EPS8L2: variants seen among roughly 807,000 people sequenced by gnomAD.
EPS8L2 encodes the protein epidermal growth factor receptor kinase substrate 8-like protein 2.
In EPS8L2, 81 loss-of-function variants were observed where a neutral mutation model predicts 99.4. That is an observed-to-expected ratio of 0.82 (90% CI 0.68 to 0.98). The LOEUF is 0.98. Ranked by LOEUF, EPS8L2 falls within the 50% of genes least tolerant of loss-of-function variation. The pLI is 0.00. For synonymous variants in EPS8L2, 509 were observed against 407.3 expected (o/e 1.25, Z -3.01); for missense variants, 1,155 against 968.8 (o/e 1.19, Z -2.55).
intron 4 of EPS8L2, among the ~76,000 whole-genome samples, chr11:717,219 C>A (rs1180162573): frequency 6.6e-6 from 1 of 152,190 alleles, no homozygotes; most frequent in Non-Finnish European, 1.5e-5. Context: ...TTGTGATCCA[C>A]CTGCCTTGGC....
intron 11 of EPS8L2, 25 bp from the exon 12 acceptor site, chr11:722,066 C>G: frequency 6.2e-7 from 1 of 1,612,336 alleles, no homozygotes; most frequent in Non-Finnish European, 8.5e-7. Flanking sequence ...CGCCCCGGCA[C>G]CTGCTCACTT....
chr11:707,620 C>T (rs1861761668), intron 1 of EPS8L2, among the ~76,000 whole-genome samples: 1 of 152,062 alleles, frequency 6.6e-6, no homozygotes, highest in Admixed American at 6.5e-5. Flanking sequence ...GGGCGGGGCT[C>T]CCACAGGGCA....
At chr11:711,967 AGCGAGACTC>A (rs1861902518) in intron 4 of EPS8L2, among the ~76,000 whole-genome samples, 1 of 146,686 alleles carries the variant, frequency 6.8e-6, no homozygotes, top group Non-Finnish European at 1.5e-5. Flanking sequence ...TGGGCAACAG[AGCGAGACTC>A]CATCTCAAAA....
intron 4 of EPS8L2, among the ~76,000 whole-genome samples, chr11:714,642 AATTTTATTTTATATTT>A (rs1311448925): frequency 2.1e-5 from 3 of 144,832 alleles, no homozygotes; most frequent in Non-Finnish European, 4.5e-5. Context: ...TTAATTTTTA[AATTTTATTTTATATTT>A]ATTTTATTTT....
In EPS8L2 at chr11:720,718, T is replaced by A; in HGVS notation, c.449T>A (p.Val150Asp). Residue 150 changes from valine to aspartate, a missense_variant, in exon 6 of 21, where the codon GTC becomes GAC. Val to Asp is a radical substitution (Grantham distance 152). Transcript: ENST00000318562. ...GACTCGGAGCAGAGCAAGCCGGATGTCCACTTCTTCCACTGCGATGAGGTG... is the reference window on the plus strand; with the variant it reads ...GACTCGGAGCAGAGCAAGCCGGATGACCACTTCTTCCACTGCGATGAGGTG... Reference protein sequence around the residue: ...CQDSEQSKPDVHFFHCDEVEA... With the variant: ...CQDSEQSKPDDHFFHCDEVEA... 1.3e-6 allele frequency: 2 copies of A among 1,553,406 alleles called. No homozygotes were observed. Among genetic ancestry groups the A allele is most frequent in the African/African-American group, 1.4e-5 (1 of 73,320 alleles).
Position 709,456 on chromosome 11 carries a change from G to GGCCGA in EPS8L2, c.44+5_44+6insGCCGA. 3.8e-6 allele frequency: 6 copies of GGCCGA among 1,588,490 alleles called. No homozygotes were observed. The highest frequency in any genetic ancestry group is 5.2e-6 in the Non-Finnish European group (6 of 1,164,860). ...CTGCTGCCCGGGTGCCACCAAGTGA[G>GGCCGA]CCCTCCCACCCATCCCGAATACCCC... On this transcript the variant is annotated splice_donor_region_variant and intron_variant, in intron 2 of 20. Coordinates refer to ENST00000318562, the MANE Select transcript of EPS8L2 (RefSeq NM_022772.4).
chr11:717,236 A>C (rs1484231778), intron 4 of EPS8L2, among the ~76,000 whole-genome samples: 3 of 152,114 alleles, frequency 2.0e-5, no homozygotes, highest in Non-Finnish European at 4.4e-5. Flanking sequence ...TGGCCTCCCA[A>C]AGTGCTGGGA....
Position 726,655 on chromosome 11 carries a change from G to A in EPS8L2, c.1971G>A (p.Gln657=). ...ACCTGGGCATCCTGACCGGGCCGCA[G>A]CTCTTCTCCCTCAACAAGGAGGAGC... The part of the protein sequence containing the change: ...VENLGILTGP[Q]LFSLNKEELK... The change falls in exon 20 of 21, where the codon CAG becomes CAA. Residue 657 remains glutamine, a synonymous_variant. Coordinates refer to ENST00000318562, the MANE Select transcript of EPS8L2 (RefSeq NM_022772.4). 6.4e-7 allele frequency: 1 copy of A among 1,561,344 alleles called. No homozygotes were observed. Among genetic ancestry groups the A allele is most frequent in the Non-Finnish European group, 8.7e-7 (1 of 1,153,430 alleles).
At position 724,784 on chromosome 11, in the gene EPS8L2, C is replaced by T. The variant is rs1366602697; in HGVS notation, c.1515C>T (p.Ala505=). The part of the protein sequence containing the change: ...KYVKILYDFT[A]RNANELSVLK... ...TCAAGATCCTGTATGACTTCACAGC[C>T]CGAAATGCCAACGAGCTATCGGTGC... The change falls in exon 16 of 21, where the codon GCC becomes GCT. Residue 505 remains alanine, a synonymous_variant. Coordinates refer to ENST00000318562, the MANE Select transcript of EPS8L2 (RefSeq NM_022772.4). This position sits in a 1 kb window ranked among gnomAD's most constrained non-coding sequence, Gnocchi z 5.5. 1.2e-6 allele frequency: 2 copies of T among 1,613,630 alleles called. No homozygotes were observed. Among genetic ancestry groups the T allele is most frequent in the East Asian group, 2.2e-5 (1 of 44,876 alleles).
At position 710,493 on chromosome 11, in the gene EPS8L2, C is replaced by T. The variant is rs1861857274; in HGVS notation, c.165+7C>T. 2 of 1,613,158 alleles carry T rather than the reference C, an allele frequency of 1.2e-6. No homozygotes were observed. Among genetic ancestry groups the T allele is most frequent in the Non-Finnish European group, 1.7e-6 (2 of 1,179,440 alleles). ...CTCGCAGTACCACGTCCAGGTAAGG[C>T]CCCGCCCCCAGGTAGGCTCCGCCCC... On this transcript the variant is annotated splice_region_variant and intron_variant, in intron 4 of 20. Coordinates refer to ENST00000318562, the MANE Select transcript of EPS8L2 (RefSeq NM_022772.4).
At chr11:722,244 G>GGGCAGC (rs1202422939) in intron 12 of EPS8L2, 79 bp downstream of exon 12, 1 of 1,556,906 alleles carries the variant, frequency 6.4e-7, no homozygotes, top group East Asian at 2.3e-5. Context: ...GTCGGGGTTG[G>GGGCAGC]GGCAGCAGGT....
intron 10 of EPS8L2, 36 bp downstream of exon 10, chr11:721,727 G>A: frequency 7.8e-7 from 1 of 1,282,332 alleles, no homozygotes; most frequent in Non-Finnish European, 1.1e-6. Context: ...CAGGTGCAGG[G>A]GACGGGGCCA....
chr11:708,790 AC>A (rs1191420440), intron 1 of EPS8L2: 2 of 155,586 alleles, frequency 1.3e-5, no homozygotes, highest in Non-Finnish European at 2.8e-5. Flanking sequence ...TGGCAAGTCC[AC>A]ATGTGGGTGC....
Position 726,156 on chromosome 11 carries a change from CG to C in EPS8L2, c.1743del (p.Asn582ThrfsTer39). On this transcript the variant is annotated frameshift_variant, in exon 18 of 21. Coordinates refer to ENST00000318562, the MANE Select transcript of EPS8L2 (RefSeq NM_022772.4). LOFTEE classifies it high-confidence loss of function. Reference protein sequence around the residue: ...SPTHKLPPSFPGNKDELMQHM... With the variant: ...SPTHKLPPSFXGNKDELMQHM... ...ACCCACAAGCTACCCCCAAGCTTCC[CG>C]GGGAACAAAGACGGTGAGAGCTGCT... 1 of 1,608,298 alleles carries C rather than the reference CG, an allele frequency of 6.2e-7. No individual in the cohort carries two copies. The highest frequency in any genetic ancestry group is 1.1e-5 in the South Asian group (1 of 90,716).
At chr11:715,028 G>A (rs1861982663) in intron 4 of EPS8L2, among the ~76,000 whole-genome samples, 2 of 152,114 alleles carry the variant, frequency 1.3e-5, no homozygotes, top group African/African-American at 4.8e-5. Flanking sequence ...AGATCACAAG[G>A]TCAGGAGATC....
At chr11:715,241 CAA>C (rs111725827) in intron 4 of EPS8L2, among the ~76,000 whole-genome samples, 8 of 132,548 alleles carry the variant, frequency 6.0e-5, no homozygotes, top group Admixed American at 7.7e-5. Context: ...GACTCTGTCT[CAA>C]AAAAAAAAAA....
intron 7 of EPS8L2, 28 bp from the exon 8 acceptor site, chr11:721,036 G>A (rs1862158880): frequency 1.4e-6 from 2 of 1,440,194 alleles, no homozygotes; most frequent in Non-Finnish European, 1.8e-6. Context: ...TTCCCGGCGG[G>A]GCTGAGCAGG....
At chr11:718,967 C>CTT (rs745422884) in intron 4 of EPS8L2, among the ~76,000 whole-genome samples, 13 of 125,256 alleles carry the variant, frequency 1.0e-4, no homozygotes, top group South Asian at 5.2e-4. Flanking sequence ...TGCGCCCGAT[C>CTT]TTTTTTTTTT....
intron 4 of EPS8L2, among the ~76,000 whole-genome samples, chr11:719,510 G>A (rs1017324606): frequency 6.6e-6 from 1 of 152,256 alleles, no homozygotes; most frequent in Non-Finnish European, 1.5e-5. Flanking sequence ...GACGCATCCC[G>A]CACACACTTG....
Sources: allele counts gnomAD v4.1 joint callset (sites outside exome capture counted in the v4.1 genomes callset), GRCh38; gene constraint gnomAD v4.1.1; non-coding constraint Gnocchi (gnomAD v3.1); transcripts MANE v1.5; gene names NCBI Gene and HGNC (gene_info 2026-07-23, HGNC 2026-07-21).